The following MX1 variants were observed in gnomAD, a reference collection of about 807,000 sequenced individuals.
The protein encoded by MX1 is interferon-induced GTP-binding protein Mx1.
A neutral mutation model predicts 66.4 loss-of-function variants in MX1; 66 were observed. The observed-to-expected ratio is 0.99, with a 90% confidence interval of 0.82 to 1.22. MX1 has a LOEUF of 1.22. MX1 is among the 50% of genes most tolerant of loss of function. The probability of loss-of-function intolerance (pLI) is 0.00; values close to 1 mark genes in which losing one functional copy is unlikely to be tolerated. For synonymous variants in MX1, 311 were observed against 318.1 expected, an observed-to-expected ratio of 0.98 and a Z score of 0.24; for missense variants, 787 against 834.3, an observed-to-expected ratio of 0.94 and a Z score of 0.70.
At chr21:41,450,234 A>C (rs2146320431) in intron 14 of MX1, among the ~76,000 whole-genome samples, 1 of 152,268 alleles carries the variant, frequency 6.6e-6, no homozygotes, top group East Asian at 1.9e-4. Flanking sequence ...GGAGTGCTGT[A>C]GGAATCTAGG....
chr21:41,431,769 C>T lies in MX1; in HGVS notation c.-21-281C>T, dbSNP rs575944618. 3.3e-5 allele frequency: 10 copies of T among 306,676 alleles called. No individual in the cohort carries two copies. The East Asian group carries it at 3.8e-4, about 12-fold the overall frequency. 19.0% of individuals were successfully genotyped at this position (306,676 alleles called of 1,614,324 possible). Reference sequence around the variant, plus strand: ...GATTACAGGCGTGAGCCCCGGGGCCCGGCCTGGAGGGATATTCTTGAAGCG... The same window carrying T: ...GATTACAGGCGTGAGCCCCGGGGCCTGGCCTGGAGGGATATTCTTGAAGCG... On this transcript the variant is annotated intron_variant, in intron 4 of 16. Coordinates refer to ENST00000398598, the MANE Select transcript of MX1 (RefSeq NM_002462.5).
Position 41,440,953 on chromosome 21 carries a change from A to G in MX1, c.658A>G (p.Asn220Asp), listed in dbSNP as rs753749228. Residue 220 changes from asparagine (N) to aspartate (D), a missense_variant, in exon 9 of 17, where the codon AAT becomes GAT. By Grantham distance (23) the Asn-to-Asp change is conservative (BLOSUM62 1). Coordinates refer to ENST00000398598, the MANE Select transcript of MX1 (RefSeq NM_002462.5). ...AATCAGCCTGGTGGTGGTCCCCAGT[A>G]ATGTGGACATCGCCACCACAGAGGC... is the stretch of plus-strand genomic sequence containing the variant. ...ETISLVVVPS[N>D]VDIATTEALS... 1.7e-5 allele frequency: 27 copies of G among 1,614,178 alleles called. No individual in the cohort carries two copies. The South Asian group carries it at 2.7e-4, about 16-fold the overall frequency.
chr21:41,436,877 A>C, intron 6 of MX1, 138 bp from the exon 7 acceptor site: 2 of 1,007,990 alleles, frequency 2.0e-6, no homozygotes, highest in Non-Finnish European at 2.9e-6. Flanking sequence ...CCCGCATATC[A>C]GAGGGTAAGA....
At position 41,445,878 on chromosome 21, in the gene MX1, A is replaced by T; in HGVS notation, c.1132-122A>T. The T allele has an allele frequency of 7.2e-6, 9 of 1,254,400 alleles. No individual in the cohort carries two copies. In the South Asian group the frequency reaches 7.4e-5, roughly 10 times the overall value. 77.7% of individuals were successfully genotyped at this position (1,254,400 alleles called of 1,614,324 possible). A position where few individuals can be genotyped will look rare whatever the true frequency, so the allele number is the denominator to read the frequency against. On this transcript the variant is annotated intron_variant, in intron 12 of 16. Transcript: ENST00000398598. ...CAAAACCTCTTCTTTCCCCTGATCCACAGTGTCCCATAAGAAAGCAAAGAA... is the reference window on the plus strand; with the variant it reads ...CAAAACCTCTTCTTTCCCCTGATCCTCAGTGTCCCATAAGAAAGCAAAGAA...
chr21:41,425,133 T>C (rs1014885942), upstream of MX1, among the ~76,000 whole-genome samples: 5 of 152,234 alleles, frequency 3.3e-5, no homozygotes, highest in Admixed American at 3.3e-4. Context: ...GTTAACTGTT[T>C]TCATGTGCGT....
Position 41,446,062 on chromosome 21 carries a change from G to A in MX1, c.1194G>A (p.Glu398=). 6.2e-7 allele frequency: 1 copy of A among 1,614,196 alleles called. No homozygotes were observed. ...TGCAAGGAGAGGAAACTGTAGGGGAGGAAGACATTCGGCTGTTTACCAGAC... is the reference window on the plus strand; with the variant it reads ...TGCAAGGAGAGGAAACTGTAGGGGAAGAAGACATTCGGCTGTTTACCAGAC... ...ALMQGEETVG[E]EDIRLFTRLR... The change falls in exon 13 of 17, where the codon GAG becomes GAA. Residue 398 remains glutamate, a synonymous_variant. Coordinates refer to ENST00000398598, the MANE Select transcript of MX1 (RefSeq NM_002462.5).
At chr21:41,450,229 G>A (rs2090786235) in intron 14 of MX1, among the ~76,000 whole-genome samples, 1 of 151,530 alleles carries the variant, frequency 6.6e-6, no homozygotes, top group South Asian at 2.1e-4. Context: ...CTTTTGGAGT[G>A]CTGTAGGAAT....
rs2090504953 is a variant in MX1 at position 41,441,289 on chromosome 21, G to T, written c.730+264G>T. ...GGTGCCCACCAAGGCCAAGTGAAATGAGCTGCTTTTGACTCTCACTGGCTA... is the reference window on the plus strand; with the variant it reads ...GGTGCCCACCAAGGCCAAGTGAAATTAGCTGCTTTTGACTCTCACTGGCTA... On this transcript the variant is annotated intron_variant, in intron 9 of 16. Coordinates refer to ENST00000398598, the MANE Select transcript of MX1 (RefSeq NM_002462.5). The surrounding 1 kb of genome is among the most constrained non-coding windows in gnomAD (Gnocchi z 4.0). 2 of 484,918 alleles carry T rather than the reference G, an allele frequency of 4.1e-6. No individual in the cohort carries two copies. The highest frequency in any genetic ancestry group is 7.4e-6 in the Non-Finnish European group (2 of 269,186). 30.0% of individuals were successfully genotyped at this position (484,918 alleles called of 1,614,324 possible). A position where few individuals can be genotyped will look rare whatever the true frequency, so the allele number is the denominator to read the frequency against.
upstream of MX1, chr21:41,423,122 G>A (rs969386429): frequency 2.6e-5 from 4 of 153,428 alleles, no homozygotes; most frequent in Non-Finnish European, 5.8e-5. Context: ...TTAGACATGC[G>A]GGAACAATGG....
intron 4 of MX1, chr21:41,431,813 C>T (rs2090221198): frequency 1.4e-5 from 6 of 434,866 alleles, no homozygotes; most frequent in Non-Finnish European, 2.5e-5. Flanking sequence ...AGGGAGGCAG[C>T]GTTTGTCTTT....
chr21:41,433,626 G>GA (rs1465282413), intron 5 of MX1, among the ~76,000 whole-genome samples: 1 of 152,164 alleles, frequency 6.6e-6, no homozygotes, highest in Non-Finnish European at 1.5e-5. Flanking sequence ...ACCATTGTGG[G>GA]AAAAACATAT....
At chr21:41,458,330 A>C (rs572786201) in intron 16 of MX1, among the ~76,000 whole-genome samples, 198 bp from the exon 17 acceptor site, 1 of 152,334 alleles carries the variant, frequency 6.6e-6, no homozygotes, top group East Asian at 1.9e-4. Flanking sequence ...TAGCTGGGAC[A>C]TTCTCTGCAC....
chr21:41,437,879 G>A (rs469581), intron 7 of MX1, among the ~76,000 whole-genome samples: 55,363 of 151,916 alleles, frequency 0.36, 11,527 homozygotes, highest in Non-Finnish European at 0.49. Flanking sequence ...CTAAGAAAGA[G>A]GAGTGACTGT....
At position 41,439,696 on chromosome 21, in the gene MX1, C is replaced by T. The variant is rs1668678411; in HGVS notation, c.439C>T (p.Gln147Ter). ...GATTTTCCCTGTCTCTTTTCTAGCC[C>T]AGAATGCCATCGCCGGGGAAGGAAT... is the stretch of plus-strand genomic sequence containing the variant. Reference protein sequence around the residue: ...SEVEKEINKAQNAIAGEGMGI... With the variant: ...SEVEKEINKA The change falls in exon 8 of 17, where the codon CAG becomes TAG. Residue 147 changes from glutamine to a stop codon, truncating the protein, a stop_gained and splice_region_variant. Transcript: ENST00000398598. LOFTEE classifies it high-confidence loss of function. 1 of 1,613,446 alleles carries T rather than the reference C, an allele frequency of 6.2e-7. No homozygotes were observed. The highest frequency in any genetic ancestry group is 1.3e-5 in the African/African-American group (1 of 75,010).
At position 41,451,164 on chromosome 21, in the gene MX1, T is replaced by C. The variant is rs1365917444; in HGVS notation, c.1433-3T>C. ...ATTGAACTATTTTTCTCTCTTTGATTAGATATGGTCCGGCTTGCTTTCACA... is the reference window on the plus strand; with the variant it reads ...ATTGAACTATTTTTCTCTCTTTGATCAGATATGGTCCGGCTTGCTTTCACA... On this transcript the variant is annotated splice_polypyrimidine_tract_variant and splice_region_variant and intron_variant, in intron 14 of 16. Coordinates refer to ENST00000398598, the MANE Select transcript of MX1 (RefSeq NM_002462.5). 1.2e-6 allele frequency: 2 copies of C among 1,602,064 alleles called. No homozygotes were observed. The highest frequency in any genetic ancestry group is 2.2e-5 in the East Asian group (1 of 44,784).
chr21:41,445,306 G>A lies in MX1; in HGVS notation c.1009-142G>A, dbSNP rs764791699. Reference sequence around the variant, plus strand: ...GTGTGTGCCCCCCTGCACCTCCCCCGGGTCTGGAAAAGCTTCCTTTTAGAG... The same window carrying A: ...GTGTGTGCCCCCCTGCACCTCCCCCAGGTCTGGAAAAGCTTCCTTTTAGAG... On this transcript the variant is annotated intron_variant, in intron 11 of 16. Transcript: ENST00000398598. 1.2e-4 allele frequency: 117 copies of A among 985,336 alleles called. 1 individual carries two copies. In the East Asian group the frequency reaches 1.5e-3, roughly 13 times the overall value. 61.0% of individuals were successfully genotyped at this position (985,336 alleles called of 1,614,324 possible). A position where few individuals can be genotyped will look rare whatever the true frequency, so the allele number is the denominator to read the frequency against.
Position 41,449,043 on chromosome 21 carries a change from A to G in MX1, c.1274-94A>G. On this transcript the variant is annotated intron_variant, in intron 13 of 16. Transcript: ENST00000398598. ...TTGATACCACTTTTTCTTGCCATTT[A>G]TATTTTCAGAAAATTTAGAATGGTA... 4.9e-6 allele frequency: 6 copies of G among 1,225,042 alleles called. No individual in the cohort carries two copies. In the South Asian group the frequency reaches 7.8e-5, roughly 16 times the overall value. The allele number at this position is 1,225,042 out of a possible 1,614,324, so 75.9% of individuals were successfully genotyped here.
chr21:41,437,703 C>T (rs942170849), intron 7 of MX1, among the ~76,000 whole-genome samples: 36 of 152,210 alleles, frequency 2.4e-4, no homozygotes, highest in African/African-American at 8.2e-4. Context: ...AATGTCCCCA[C>T]ATATGGATGA....
intron 16 of MX1, among the ~76,000 whole-genome samples, chr21:41,455,816 C>T (rs1028348226): frequency 6.6e-6 from 1 of 152,226 alleles, no homozygotes; most frequent in Non-Finnish European, 1.5e-5. Context: ...CAGTCTTTTG[C>T]TAATGCAGGT....
Sources: allele counts gnomAD v4.1 joint callset (sites outside exome capture counted in the v4.1 genomes callset), GRCh38; gene constraint gnomAD v4.1.1; non-coding constraint Gnocchi (gnomAD v3.1); transcripts MANE v1.5; gene names NCBI Gene and HGNC (gene_info 2026-07-23, HGNC 2026-07-21).